MGST2: variants seen among roughly 807,000 people sequenced by gnomAD.
MGST2 encodes microsomal glutathione S-transferase 2, also known as glutathione peroxidase MGST2.
MGST2 carries 9 observed loss-of-function variants against 16.6 expected under a neutral mutation model. The observed-to-expected ratio is 0.54, with a 90% CI of 0.33 to 0.95. The LOEUF is 0.95. MGST2 is among the 40% of genes least tolerant of loss of function. MGST2 has a pLI of 0.03. For missense variants in MGST2, 159 were observed against 175.1 expected, an observed-to-expected ratio of 0.91 and a Z score of 0.52; for synonymous variants, 79 against 68.0, an observed-to-expected ratio of 1.16 and a Z score of -0.79.
At chr4:139,676,939 G>A (rs1007352967) in intron 1 of MGST2, among the ~76,000 whole-genome samples, 10 of 152,212 alleles carry the variant, frequency 6.6e-5, no homozygotes, top group African/African-American at 2.4e-4. Context: ...ATCTGGGAGA[G>A]ATTAATGGAG....
At chr4:139,693,439 G>C (rs116079301) in intron 2 of MGST2, among the ~76,000 whole-genome samples, 3 of 151,214 alleles carry the variant, frequency 2.0e-5, no homozygotes, top group African/African-American at 7.3e-5. Context: ...TTTTCAGTGA[G>C]TGTGGAAGGA....
In MGST2 at chr4:139,702,844, G is replaced by GTTTTTTTTTTTTTTTTTTTT. The variant is rs70943436; in HGVS notation, c.230-604_230-585dup. Among the ~76,000 whole-genome samples the GTTTTTTTTTTTTTTTTTTTT allele has an allele frequency of 1.0e-3, 48 of 46,436 alleles. 1 individual carries two copies. Among genetic ancestry groups the GTTTTTTTTTTTTTTTTTTTT allele is most frequent in the Middle Eastern group, 0.029 (1 of 34 alleles). 30.5% of individuals were successfully genotyped at this position (46,436 alleles called of 152,430 possible). On this transcript the variant is annotated intron_variant, in intron 3 of 4. Coordinates refer to ENST00000265498, the MANE Select transcript of MGST2 (RefSeq NM_002413.5). ...TCCTCACCAACATTTTGTGTTACTG[G>GTTTTTTTTTTTTTTTTTTTT]TTTTTTTTTTTTTTTTTTTTTTTTT...
At chr4:139,746,431 T>G in the MGST2 span, among the ~76,000 whole-genome samples, 1 of 147,512 alleles carries the variant, frequency 6.8e-6, no homozygotes, top group Non-Finnish European at 1.5e-5. Context: ...AAATGAAAAA[T>G]CTTCCCTTTA....
downstream of MGST2, among the ~76,000 whole-genome samples, chr4:139,709,071 ATTTTTTTTTTTTTT>A (rs377191495): frequency 1.2e-5 from 1 of 82,026 alleles, no homozygotes; most frequent in Non-Finnish European, 2.2e-5. Context: ...AATGGAAAAA[ATTTTTTTTTTTTTT>A]TTTTTTTTTT....
chr4:139,699,072 A>G (rs568778755), intron 3 of MGST2, among the ~76,000 whole-genome samples: 1 of 152,196 alleles, frequency 6.6e-6, no homozygotes, highest in Non-Finnish European at 1.5e-5. Flanking sequence ...ATAGGCAAAA[A>G]CCCTGAGAGA....
chr4:139,690,046 C>T (rs1726480514), intron 2 of MGST2, among the ~76,000 whole-genome samples: 2 of 151,884 alleles, frequency 1.3e-5, no homozygotes, highest in South Asian at 4.2e-4. Context: ...GGCTGGAGTG[C>T]AGTGGTGCGA....
chr4:139,720,165 C>T (rs1265603472), intron 5 of MGST2: 1 of 1,613,930 alleles, frequency 6.2e-7, no homozygotes, highest in African/African-American at 1.3e-5. Flanking sequence ...CTATAAGGGG[C>T]CAGTCCCATC....
intron 5 of MGST2, chr4:139,719,088 T>C: frequency 2.0e-6 from 1 of 503,204 alleles, no homozygotes; most frequent in Non-Finnish European, 3.4e-6. Flanking sequence ...TGTCTCCCTC[T>C]CTCGCAGCCG....
At chr4:139,703,818 T>C (rs987698704) in intron 4 of MGST2, among the ~76,000 whole-genome samples, 198 bp from the exon 5 acceptor site, 3 of 152,270 alleles carry the variant, frequency 2.0e-5, no homozygotes, top group Non-Finnish European at 2.9e-5. Context: ...GCCTTGATAA[T>C]GCTTTGAATG....
the MGST2 span, among the ~76,000 whole-genome samples, chr4:139,747,429 C>T: frequency 6.6e-6 from 1 of 152,334 alleles, no homozygotes; most frequent in Non-Finnish European, 1.5e-5. Flanking sequence ...CACAGTGGCT[C>T]ACGCCTGTAA....
At chr4:139,690,398 C>G (rs1000508142) in intron 2 of MGST2, among the ~76,000 whole-genome samples, 31 of 152,156 alleles carry the variant, frequency 2.0e-4, no homozygotes, top group African/African-American at 7.2e-4. Context: ...GTCTCTGCCT[C>G]CCAAAGGCCC....
chr4:139,706,291 T>C (rs571038658), downstream of MGST2, among the ~76,000 whole-genome samples: 6 of 152,180 alleles, frequency 3.9e-5, no homozygotes, highest in South Asian at 4.1e-4. Flanking sequence ...CAGTAGGAGG[T>C]TGTGAATCAA....
intron 2 of MGST2, among the ~76,000 whole-genome samples, chr4:139,689,201 G>A (rs1560746041): frequency 6.6e-6 from 1 of 151,146 alleles, no homozygotes; most frequent in Non-Finnish European, 1.5e-5. Context: ...CCAATACCAA[G>A]CAGCATCTGT....
intron 2 of MGST2, among the ~76,000 whole-genome samples, chr4:139,694,468 T>C (rs180922568): frequency 1.5e-4 from 23 of 152,270 alleles, no homozygotes; most frequent in Non-Finnish European, 2.6e-4. Context: ...CCAAGATCAC[T>C]TGGAGTTATA....
intron 2 of MGST2, among the ~76,000 whole-genome samples, chr4:139,685,698 C>G (rs1466261310): frequency 6.6e-6 from 1 of 152,228 alleles, no homozygotes; most frequent in African/African-American, 2.4e-5. Context: ...GAATCTCACT[C>G]TGTCGCCCAT....
At chr4:139,695,944 G>A (rs957921804) in intron 3 of MGST2, among the ~76,000 whole-genome samples, 6 of 152,122 alleles carry the variant, frequency 3.9e-5, no homozygotes, top group Non-Finnish European at 7.3e-5. Context: ...CTTGACTACT[G>A]ATATCCTATT....
chr4:139,719,258 TC>T, intron 5 of MGST2: 1 of 1,498,822 alleles, frequency 6.7e-7, no homozygotes. Context: ...TGGGTCAACA[TC>T]CTGTTTCTTT....
rs776369755 is a variant in MGST2, at chr4:139,730,483, T to G, written c.*49-9729T>G. On this transcript the variant is annotated intron_variant, in intron 5 of 5. Coordinates refer to the MGST2 transcript ENST00000616265. ...CCTTTGCTCCCGCAGGAACTGTTGC[T>G]TCTGCTGCTCTATCAACTGGGCCCG... is the stretch of plus-strand genomic sequence containing the variant. 8 of 1,553,202 alleles carry G rather than the reference T, an allele frequency of 5.2e-6. No individual in the cohort carries two copies. In the African/African-American group the frequency reaches 1.1e-4, roughly 21 times the overall value.
Position 139,735,805 on chromosome 4 carries a change from C to G in MGST2, c.*49-4407C>G, listed in dbSNP as rs1436589237. On this transcript the variant is annotated intron_variant, in intron 5 of 5. Transcript: ENST00000616265. The surrounding 1 kb of genome is among the most constrained non-coding windows in gnomAD (Gnocchi z 5.8). Reference sequence around the variant, plus strand: ...GCAGGACCTAGACTGCCTCTCGGCGCAGGCGGCCCTAACAAAGAAGCCCAC... The same window carrying G: ...GCAGGACCTAGACTGCCTCTCGGCGGAGGCGGCCCTAACAAAGAAGCCCAC... Among the ~76,000 whole-genome samples the G allele has an allele frequency of 2.6e-5, 4 of 152,156 alleles. No homozygotes were observed. The highest frequency in any genetic ancestry group is 5.9e-5 in the Non-Finnish European group (4 of 67,998).
Sources: gnomAD v4.1 joint callset for allele counts (sites outside exome capture counted in the v4.1 genomes callset) on GRCh38, gnomAD v4.1.1 for gene constraint, Gnocchi (gnomAD v3.1) non-coding constraint, MANE v1.5 for transcripts, NCBI Gene and HGNC (gene_info 2026-07-23, HGNC 2026-07-21) for gene names.